Variants in EFNA5 observed in about 807,000 individuals in gnomAD.
EFNA5 encodes the protein ephrin-A5.
Under a neutral mutation model 22.9 loss-of-function variants are expected in EFNA5, and 5 were observed. The observed-to-expected ratio is 0.22, with a 90% CI of 0.11 to 0.46. The LOEUF is 0.46. Ranked by LOEUF, EFNA5 falls within the 20% of genes least tolerant of loss-of-function variation. The pLI, the probability that EFNA5 is intolerant of heterozygous loss-of-function variation, is 0.99. For missense variants in EFNA5, 237 were observed against 293.3 expected (o/e 0.81, Z 1.40); for synonymous variants, 113 against 112.2 (o/e 1.01, Z -0.04).
chr5:107,616,525 T>C (rs1749916971), intron 1 of EFNA5, among the ~76,000 whole-genome samples: 1 of 152,110 alleles, frequency 6.6e-6, no homozygotes, highest in Non-Finnish European at 1.5e-5. Flanking sequence ...GAAATATACA[T>C]GAATAAAGTC....
At chr5:107,455,531 A>C (rs1038805879) in intron 1 of EFNA5, among the ~76,000 whole-genome samples, 4 of 152,240 alleles carry the variant, frequency 2.6e-5, no homozygotes, top group Admixed American at 6.5e-5. Context: ...ACTCAAGAGT[A>C]GCTGGTGATC....
intron 1 of EFNA5, among the ~76,000 whole-genome samples, chr5:107,497,788 C>T (rs555815902): frequency 6.6e-6 from 1 of 152,296 alleles, no homozygotes; most frequent in South Asian, 2.1e-4. Flanking sequence ...TTTTTCCTTT[C>T]TTCCACAAAC....
chr5:107,402,601 T>G (rs1748114105), intron 2 of EFNA5, among the ~76,000 whole-genome samples: 2 of 152,244 alleles, frequency 1.3e-5, no homozygotes, highest in Admixed American at 1.3e-4. Context: ...ATATATGTGC[T>G]GACAGCAAGG....
chr5:107,619,566 G>C (rs550949007), intron 1 of EFNA5, among the ~76,000 whole-genome samples: 1 of 150,668 alleles, frequency 6.6e-6, no homozygotes, highest in East Asian at 2.0e-4. Flanking sequence ...GAGTTCACGC[G>C]ATTCTCCTGC....
intron 2 of EFNA5, among the ~76,000 whole-genome samples, chr5:107,419,508 T>G (rs533555557): frequency 6.6e-6 from 1 of 152,310 alleles, no homozygotes; most frequent in Non-Finnish European, 1.5e-5. Flanking sequence ...AACACAAAAC[T>G]TACAAAGAAA....
chr5:107,552,520 C>T (rs2112469620), intron 1 of EFNA5, among the ~76,000 whole-genome samples: 1 of 152,260 alleles, frequency 6.6e-6, no homozygotes, highest in Admixed American at 6.5e-5. Context: ...CTACAGGCTC[C>T]AAAGTCTATG....
At chr5:107,442,370 A>G (rs1342550744) in intron 1 of EFNA5, among the ~76,000 whole-genome samples, 1 of 152,184 alleles carries the variant, frequency 6.6e-6, no homozygotes, top group Admixed American at 6.6e-5. Flanking sequence ...ATTCTAAAAT[A>G]GTAGTTCTTT....
chr5:107,474,850 C>T (rs566282179), intron 1 of EFNA5, among the ~76,000 whole-genome samples: 10 of 152,248 alleles, frequency 6.6e-5, no homozygotes, highest in East Asian at 5.8e-4. Context: ...TAATTAAGGG[C>T]CATTCTAAGG....
intron 1 of EFNA5, among the ~76,000 whole-genome samples, chr5:107,545,046 T>A (rs368621097): frequency 2.0e-5 from 3 of 152,226 alleles, no homozygotes; most frequent in East Asian, 1.9e-4. Context: ...ACCGACAACA[T>A]CTAAAAGGTG....
At chr5:107,580,121 A>G (rs2112493739) in intron 1 of EFNA5, among the ~76,000 whole-genome samples, 1 of 152,318 alleles carries the variant, frequency 6.6e-6, no homozygotes, top group Non-Finnish European at 1.5e-5. Flanking sequence ...ATATAGCTGC[A>G]CACAAATTAC....
intron 1 of EFNA5, among the ~76,000 whole-genome samples, chr5:107,599,621 G>C (rs140979974): frequency 4.1e-4 from 62 of 152,234 alleles, no homozygotes; most frequent in Admixed American, 8.5e-4. Context: ...ATTAGAAATC[G>C]ATAGAAAACT....
chr5:107,662,325 A>G (rs1012559192), intron 1 of EFNA5, among the ~76,000 whole-genome samples: 2 of 152,310 alleles, frequency 1.3e-5, no homozygotes, highest in South Asian at 2.1e-4. Context: ...CATAAGTGAC[A>G]TAAGTAATAT....
At chr5:107,553,453 A>C (rs1748342094) in intron 1 of EFNA5, among the ~76,000 whole-genome samples, 1 of 152,232 alleles carries the variant, frequency 6.6e-6, no homozygotes, top group Non-Finnish European at 1.5e-5. Flanking sequence ...TCAAGGCCAC[A>C]GTCACGCCAG....
intron 1 of EFNA5, among the ~76,000 whole-genome samples, chr5:107,549,384 A>G (rs942269907): frequency 6.6e-6 from 1 of 152,226 alleles, no homozygotes; most frequent in African/African-American, 2.4e-5. Context: ...AAAGTCTTTA[A>G]GATAAGCAAG....
intron 1 of EFNA5, among the ~76,000 whole-genome samples, chr5:107,557,041 G>A (rs352607): frequency 0.019 from 2,936 of 151,988 alleles, 105 homozygotes; most frequent in African/African-American, 0.067. Flanking sequence ...GAAATTAAAC[G>A]GCTGTTTGGG....
At chr5:107,614,160 G>A (rs889675554) in intron 1 of EFNA5, among the ~76,000 whole-genome samples, 3 of 151,928 alleles carry the variant, frequency 2.0e-5, no homozygotes, top group African/African-American at 7.3e-5. Context: ...CTCATTACAC[G>A]GATAATACTT....
intron 1 of EFNA5, among the ~76,000 whole-genome samples, chr5:107,539,861 G>C (rs1748010558): frequency 6.6e-6 from 1 of 152,180 alleles, no homozygotes; most frequent in African/African-American, 2.4e-5. Flanking sequence ...GTAGGAGAGG[G>C]AAATCATGGA....
At chr5:107,415,240 AC>A (rs972381826) in intron 2 of EFNA5, among the ~76,000 whole-genome samples, 25 of 152,148 alleles carry the variant, frequency 1.6e-4, no homozygotes, top group African/African-American at 5.6e-4. Context: ...ATTAATATAT[AC>A]CCAGCAAGCA....
At chr5:107,462,435 T>G (rs1749856688) in intron 1 of EFNA5, among the ~76,000 whole-genome samples, 1 of 152,140 alleles carries the variant, frequency 6.6e-6, no homozygotes, top group Non-Finnish European at 1.5e-5. Flanking sequence ...TCATGTTAAA[T>G]AGAAACTTTT....
Sources: gnomAD v4.1 joint callset for allele counts (sites outside exome capture counted in the v4.1 genomes callset) on GRCh38, gnomAD v4.1.1 for gene constraint, MANE v1.5 for transcripts, NCBI Gene and HGNC (gene_info 2026-07-23, HGNC 2026-07-21) for gene names.